The following KCNRG variants were observed in gnomAD, a reference collection of about 807,000 sequenced individuals.
KCNRG encodes the protein potassium channel regulatory protein.
Under a neutral mutation model 17.7 loss-of-function variants are expected in KCNRG, and 17 were observed. That is an observed-to-expected ratio of 0.96 (90% CI 0.66 to 1.44). The LOEUF (loss-of-function observed/expected upper bound fraction) is 1.44, where lower values mean the gene tolerates loss of function less well. Ranked by LOEUF, KCNRG falls within the 40% of genes most tolerant of loss-of-function variation. KCNRG has a pLI of 0.00. For synonymous variants in KCNRG, 97 were observed against 116.5 expected (o/e 0.83, Z 1.08); for missense variants, 311 against 321.1 (o/e 0.97, Z 0.24).
Position 50,015,963 on chromosome 13 carries a change from T to A in KCNRG, c.470T>A (p.Phe157Tyr). The change falls in exon 1 of 2, where the codon TTC (phenylalanine) becomes TAC (tyrosine). Residue 157 changes from phenylalanine (F) to tyrosine (Y), a missense_variant. Transcript: ENST00000312942. The stretch of plus-strand genomic sequence containing the variant: ...GCGCCGACCTGGAATGGTAACTTTT[T>A]CCCTCCTCAGATGACCTTACTTCCA... ...PSAPTWNGNFFPPQMTLLPLP... is the reference protein window; with the variant it reads ...PSAPTWNGNFYPPQMTLLPLP... The A allele has an allele frequency of 6.2e-7, 1 of 1,614,132 alleles. No individual in the cohort carries two copies. The highest frequency in any genetic ancestry group is 8.5e-7 in the Non-Finnish European group (1 of 1,179,986).
chr13:50,019,120 G>A (rs1594600397), intron 1 of KCNRG, among the ~76,000 whole-genome samples: 1 of 150,124 alleles, frequency 6.7e-6, no homozygotes, highest in South Asian at 2.1e-4. Context: ...AATCTGAAAA[G>A]TTCATGTGCA....
chr13:50,018,937 C>A (rs1046976125), intron 1 of KCNRG: 1 of 152,644 alleles, frequency 6.6e-6, no homozygotes, highest in African/African-American at 2.4e-5. Context: ...ACCACCACAC[C>A]TAGCTAATTT....
chr13:50,015,450 C>G lies in KCNRG; in HGVS notation c.-44C>G. ...ACATTTATGGTTATAGGTTGATTTC[C>G]TAAGTGTGGCTGATGGTAGCCTCTA... is the stretch of plus-strand genomic sequence containing the variant. On this transcript the variant is annotated 5_prime_UTR_variant, in exon 1 of 2. Transcript: ENST00000312942. The G allele has an allele frequency of 7.2e-7, 1 of 1,395,886 alleles. No individual in the cohort carries two copies. The allele number at this position is 1,395,886 out of a possible 1,614,324, so 86.5% of individuals were successfully genotyped here.
In KCNRG at chr13:50,020,369, TAAAA is replaced by T; in HGVS notation, c.736_739del (p.Lys246AlafsTer24). On this transcript the variant is annotated frameshift_variant, in exon 2 of 2. Transcript: ENST00000312942. LOFTEE classifies it high-confidence loss of function. Reference sequence around the variant, plus strand: ...ACTGAATGCTATAGCTTTGAAAGGATAAAAAGCCCTGAAGTGCTCATCACGAATG... The same window carrying T: ...ACTGAATGCTATAGCTTTGAAAGGATAGCCCTGAAGTGCTCATCACGAATG... 6.2e-7 allele frequency: 1 copy of T among 1,614,070 alleles called. No homozygotes were observed. Among genetic ancestry groups the T allele is most frequent in the South Asian group, 1.1e-5 (1 of 91,078 alleles).
At chr13:50,019,230 C>T (rs1182270196) in intron 1 of KCNRG, among the ~76,000 whole-genome samples, 51 of 151,950 alleles carry the variant, frequency 3.4e-4, no homozygotes, top group Non-Finnish European at 1.2e-4. Flanking sequence ...CTGCAAGCTC[C>T]GCCTCCTCAT....
chr13:50,019,762 G>T (rs1176987979), intron 1 of KCNRG, among the ~76,000 whole-genome samples: 1 of 152,156 alleles, frequency 6.6e-6, no homozygotes, highest in African/African-American at 2.4e-5. Flanking sequence ...TGGTAGCCTA[G>T]CACGGTGGCT....
rs193233515 is a variant in KCNRG at position 50,020,148 on chromosome 13, A to G, written c.579-66A>G. The G allele has an allele frequency of 2.4e-4, 352 of 1,487,140 alleles. 5 individuals carry two copies. In the East Asian group the frequency reaches 3.0e-3, roughly 13 times the overall value. 92.1% of individuals were successfully genotyped at this position (1,487,140 alleles called of 1,614,324 possible). On this transcript the variant is annotated intron_variant, in intron 1 of 1. Coordinates refer to ENST00000312942, the MANE Select transcript of KCNRG (RefSeq NM_173605.2). ...GCCTTTGAGGTTGTAAGTCAAATTTATGTGTATAGTTTTGCTAGTTATTAA... is the reference window on the plus strand; with the variant it reads ...GCCTTTGAGGTTGTAAGTCAAATTTGTGTGTATAGTTTTGCTAGTTATTAA...
intron 1 of KCNRG, among the ~76,000 whole-genome samples, chr13:50,019,955 C>A (rs1363322064): frequency 1.3e-5 from 2 of 151,622 alleles, no homozygotes; most frequent in African/African-American, 4.8e-5. Flanking sequence ...AGAGAATAGC[C>A]TAAACCTGGG....
intron 1 of KCNRG, chr13:50,016,292 A>C: frequency 4.3e-6 from 2 of 469,192 alleles, no homozygotes; most frequent in Non-Finnish European, 7.8e-6. Context: ...AAAAGGAATA[A>C]ATGAAGACTG....
chr13:50,015,591 G>T lies in KCNRG; in HGVS notation c.98G>T (p.Arg33Leu). 3 of 1,614,070 alleles carry T rather than the reference G, an allele frequency of 1.9e-6. No homozygotes were observed. The Admixed American group carries it at 5.0e-5, about 27-fold the overall frequency. Residue 33 changes from arginine (R) to leucine (L), a missense_variant, in exon 1 of 2, where the codon CGC becomes CTC. Physicochemically the swap from Arg to Leu is moderately radical, Grantham distance 102. Transcript: ENST00000312942. ...CAGTTTCCTGCTTCTCGTTTGGCAC[G>T]CATGTTAGATGGCAGAGACCAAGAA... is the stretch of plus-strand genomic sequence containing the variant. ...IKQFPASRLARMLDGRDQEFK... is the reference protein window; with the variant it reads ...IKQFPASRLALMLDGRDQEFK...
chr13:50,015,545 A>G lies in KCNRG; in HGVS notation c.52A>G (p.Thr18Ala), dbSNP rs773512879. 9 of 1,613,940 alleles carry G rather than the reference A, an allele frequency of 5.6e-6. No individual in the cohort carries two copies. The highest frequency in any genetic ancestry group is 7.6e-6 in the Non-Finnish European group (9 of 1,179,976). The change falls in exon 1 of 2, where the codon ACA (threonine) becomes GCA (alanine). Residue 18 changes from threonine to alanine, a missense_variant. Physicochemically the swap from Thr to Ala is moderately conservative, Grantham distance 58 (BLOSUM62 0). Coordinates refer to ENST00000312942, the MANE Select transcript of KCNRG (RefSeq NM_173605.2). Reference protein sequence around the residue: ...TLNVGGKIFTTRFSTIKQFPA... With the variant: ...TLNVGGKIFTARFSTIKQFPA... The stretch of plus-strand genomic sequence containing the variant: ...GAATGTGGGAGGGAAGATATTCACG[A>G]CAAGGTTTTCTACGATAAAGCAGTT...
intron 1 of KCNRG, 69 bp from the exon 2 acceptor site, chr13:50,020,145 T>G (rs1877065727): frequency 6.8e-7 from 1 of 1,478,596 alleles, no homozygotes; most frequent in Non-Finnish European, 9.2e-7. Flanking sequence ...GTAAGTCAAA[T>G]TTATGTGTAT....
chr13:50,019,284 T>C (rs962000823), intron 1 of KCNRG, among the ~76,000 whole-genome samples: 1 of 152,194 alleles, frequency 6.6e-6, no homozygotes, highest in Non-Finnish European at 1.5e-5. Flanking sequence ...ATTTGTTCTG[T>C]GGAGCACCTC....
intron 1 of KCNRG, 85 bp downstream of exon 1, chr13:50,016,156 T>TCTC (rs10675754): frequency 0.14 from 129,671 of 899,010 alleles, 10,565 homozygotes; most frequent in African/African-American, 0.26. Context: ...GCCTGTAACT[T>TCTC]CTGGAAAAGA....
chr13:50,016,151 T>A, intron 1 of KCNRG, 80 bp downstream of exon 1: 1 of 855,764 alleles, frequency 1.2e-6, no homozygotes, highest in Non-Finnish European at 1.8e-6. Context: ...CTCAGGCCTG[T>A]AACTTCTGGA....
intron 1 of KCNRG, among the ~76,000 whole-genome samples, chr13:50,019,906 T>C (rs1877043802): frequency 6.6e-6 from 1 of 151,962 alleles, no homozygotes. Context: ...GGCATGGTGG[T>C]GTGCGCCTGT....
chr13:50,020,418 T>G lies in KCNRG; in HGVS notation c.783T>G (p.Thr261=). 1 of 1,614,024 alleles carries G rather than the reference T, an allele frequency of 6.2e-7. No homozygotes were observed. Among genetic ancestry groups the G allele is most frequent in the Non-Finnish European group, 8.5e-7 (1 of 1,179,858 alleles). The change falls in exon 2 of 2, where the codon ACT becomes ACG. Residue 261 remains threonine, a synonymous_variant. Transcript: ENST00000312942. ...LITNETPKPE[T]IIIPEQSQIK... ...CGAATGAAACACCAAAACCAGAGACTATCATCATACCAGAGCAATCTCAGA... is the reference window on the plus strand; with the variant it reads ...CGAATGAAACACCAAAACCAGAGACGATCATCATACCAGAGCAATCTCAGA...
At position 50,020,254 on chromosome 13, in the gene KCNRG, G is replaced by A. The variant is rs77514349; in HGVS notation, c.619G>A (p.Gly207Arg). ...ACCTGATAACCGAAAATTGGCCAAC[G>A]GAACAAATGTCCTCGGCTTACTGAT... ...IKPDNRKLAN[G>R]TNVLGLLIDT... The change falls in exon 2 of 2, where the codon GGA becomes AGA. Residue 207 changes from glycine to arginine, a missense_variant. Gly to Arg is a moderately radical substitution (Grantham distance 125). Coordinates refer to ENST00000312942, the MANE Select transcript of KCNRG (RefSeq NM_173605.2). 2.0e-4 allele frequency: 318 copies of A among 1,614,010 alleles called. 1 individual carries two copies. The African/African-American group carries it at 3.9e-3, about 20-fold the overall frequency.
intron 1 of KCNRG, among the ~76,000 whole-genome samples, chr13:50,019,621 T>A (rs528473622): frequency 1.2e-4 from 17 of 144,258 alleles, no homozygotes; most frequent in Middle Eastern, 3.5e-3. Context: ...ATACAATTTG[T>A]TTGATCAAAT....
Sources: gnomAD v4.1 joint callset for allele counts (sites outside exome capture counted in the v4.1 genomes callset) on GRCh38, gnomAD v4.1.1 for gene constraint, MANE v1.5 for transcripts, NCBI Gene and HGNC (gene_info 2026-07-23, HGNC 2026-07-21) for gene names.